ACO1: variants seen among roughly 807,000 people sequenced by gnomAD.
The protein encoded by ACO1 is cytoplasmic aconitate hydratase.
ACO1 carries 78 observed loss-of-function variants against 105.1 expected under a neutral mutation model. The ratio of observed to expected loss-of-function variants is 0.74; its 90% CI spans 0.62 to 0.90. ACO1 has a LOEUF of 0.90. ACO1 is among the 40% of genes least tolerant of loss of function. The pLI, the probability that ACO1 is intolerant of heterozygous loss-of-function variation, is 0.00. For missense variants in ACO1, 965 were observed against 1,111.1 expected, an observed-to-expected ratio of 0.87 and a Z score of 1.87; for synonymous variants, 364 against 397.4, an observed-to-expected ratio of 0.92 and a Z score of 1.00.
chr9:32,418,537 T>G, intron 6 of ACO1, 26 bp downstream of exon 6: 1 of 1,592,088 alleles, frequency 6.3e-7, no homozygotes, highest in Non-Finnish European at 8.6e-7. Flanking sequence ...TATATGCTGT[T>G]TTGGGGCATG....
chr9:32,400,081 C>T (rs919725072), intron 1 of ACO1, among the ~76,000 whole-genome samples: 1 of 140,386 alleles, frequency 7.1e-6, no homozygotes, highest in Admixed American at 8.0e-5. Flanking sequence ...AATAATTCTC[C>T]TTCCTCAGCC....
chr9:32,420,799 T>C (rs1035582408), intron 7 of ACO1, 57 bp from the exon 8 acceptor site: 1 of 1,570,552 alleles, frequency 6.4e-7, no homozygotes, highest in Non-Finnish European at 8.7e-7. Flanking sequence ...ATGGTAGTTC[T>C]GCATTTTGAA....
chr9:32,429,963 G>C (rs144220315), intron 13 of ACO1, among the ~76,000 whole-genome samples: 29 of 152,310 alleles, frequency 1.9e-4, no homozygotes, highest in African/African-American at 6.0e-4. Context: ...AGTGAGACAA[G>C]TCTCCACACA....
intron 1 of ACO1, among the ~76,000 whole-genome samples, chr9:32,397,162 C>T (rs1325482161): frequency 6.6e-6 from 1 of 152,058 alleles, no homozygotes; most frequent in African/African-American, 2.4e-5. Flanking sequence ...TATGGTGCAC[C>T]TTGCACATAC....
chr9:32,384,805 C>T (rs1821120954), intron 1 of ACO1, 70 bp downstream of exon 1: 1 of 294,956 alleles, frequency 3.4e-6, no homozygotes, highest in Non-Finnish European at 7.2e-6. Flanking sequence ...CCTCGAGAGT[C>T]GGTGCGGGCC....
rs1265254159 is a variant in ACO1, at chr9:32,439,921, C to A, written c.2248-544C>A. On this transcript the variant is annotated intron_variant, in intron 18 of 20. Coordinates refer to ENST00000309951, the MANE Select transcript of ACO1 (RefSeq NM_002197.3). This position sits in a 1 kb window ranked among gnomAD's most constrained non-coding sequence, Gnocchi z 4.0. Reference sequence around the variant, plus strand: ...TTAGGATTCTAATGTTTTTATAAAACCAACAACAATTAGGCATTTCTGTCA... The same window carrying A: ...TTAGGATTCTAATGTTTTTATAAAAACAACAACAATTAGGCATTTCTGTCA... Among the ~76,000 whole-genome samples the A allele has an allele frequency of 6.6e-6, 1 of 152,112 alleles. No individual in the cohort carries two copies. The highest frequency in any genetic ancestry group is 2.4e-5 in the African/African-American group (1 of 41,416).
chr9:32,419,547 C>A (rs1027846430), intron 7 of ACO1, among the ~76,000 whole-genome samples: 2 of 152,200 alleles, frequency 1.3e-5, no homozygotes, highest in Admixed American at 1.3e-4. Context: ...TATGTAATAT[C>A]TGTGGCTAAA....
intron 7 of ACO1, 122 bp downstream of exon 7, chr9:32,419,299 T>C (rs1821920194): frequency 8.9e-7 from 1 of 1,119,332 alleles, no homozygotes; most frequent in South Asian, 2.4e-5. Flanking sequence ...GGAAACAAGG[T>C]TGATGATTTT....
At chr9:32,436,446 G>A in intron 18 of ACO1, 49 bp downstream of exon 18, 1 of 1,599,678 alleles carries the variant, frequency 6.3e-7, no homozygotes, top group Non-Finnish European at 8.5e-7. Context: ...TGTCAGCCTT[G>A]GTGGAGGTTG....
rs145415507 is a variant in ACO1 at position 32,454,138 on chromosome 9, C to G, written c.*4027C>G. ...TTCCACGGTCAGTACATTTGGGAAC[C>G]ACTGAGTTAAATGGGTTTTATCACT... On this transcript the variant is annotated 3_prime_UTR_variant, in exon 21 of 21. Transcript: ENST00000309951. The G allele has an allele frequency of 9.2e-5, 14 of 152,252 alleles. No homozygotes were observed. In the East Asian group the frequency reaches 1.7e-3, roughly 19 times the overall value. 9.4% of individuals were successfully genotyped at this position (152,252 alleles called of 1,614,324 possible). A position where few individuals can be genotyped will look rare whatever the true frequency, so the allele number is the denominator to read the frequency against.
chr9:32,451,333 C>T lies in ACO1; in HGVS notation c.*1222C>T, dbSNP rs1469731797. On this transcript the variant is annotated 3_prime_UTR_variant, in exon 21 of 21. Coordinates refer to ENST00000309951, the MANE Select transcript of ACO1 (RefSeq NM_002197.3). Reference sequence around the variant, plus strand: ...ATGGCCACCTTCTTGCTTGTTCTCACATGGCATTTCTTTGGTATGTGCCTG... The same window carrying T: ...ATGGCCACCTTCTTGCTTGTTCTCATATGGCATTTCTTTGGTATGTGCCTG... 6.6e-6 allele frequency: 1 copy of T among 152,176 alleles called. No individual in the cohort carries two copies. Among genetic ancestry groups the T allele is most frequent in the Non-Finnish European group, 1.5e-5 (1 of 68,050 alleles). 9.4% of individuals were successfully genotyped at this position (152,176 alleles called of 1,614,324 possible).
intron 17 of ACO1, 26 bp from the exon 18 acceptor site, chr9:32,436,224 A>G: frequency 6.2e-7 from 1 of 1,613,428 alleles, no homozygotes; most frequent in Non-Finnish European, 8.5e-7. Flanking sequence ...TCACTAAGCC[A>G]GCTCCTTTCT....
intron 15 of ACO1, among the ~76,000 whole-genome samples, chr9:32,433,169 G>T (rs1008248056): frequency 2.6e-5 from 4 of 152,132 alleles, no homozygotes; most frequent in Non-Finnish European, 5.9e-5. Flanking sequence ...AACTAAGGAT[G>T]TGAATCCCAG....
In ACO1 at chr9:32,427,445, G is replaced by A; in HGVS notation, c.1484+9G>A. The A allele has an allele frequency of 6.2e-7, 1 of 1,614,096 alleles. No individual in the cohort carries two copies. ...TATCTGTCTCAGCTTGGGTGAGGGA[G>A]AGTTTTCTTTTGCACCATTGCTTTT... is the stretch of plus-strand genomic sequence containing the variant. On this transcript the variant is annotated intron_variant, in intron 12 of 20. Transcript: ENST00000309951.
chr9:32,436,179 T>C, intron 17 of ACO1, 71 bp from the exon 18 acceptor site: 1 of 1,595,198 alleles, frequency 6.3e-7, no homozygotes, highest in African/African-American at 1.3e-5. Flanking sequence ...TTTTTTTCTT[T>C]TCTTGGTGTA....
intron 7 of ACO1, 137 bp downstream of exon 7, chr9:32,419,314 G>T: frequency 1.0e-6 from 1 of 960,664 alleles, no homozygotes. Flanking sequence ...GATTTTAAAA[G>T]GAGATGAGGT....
chr9:32,434,496 A>G, intron 16 of ACO1, 63 bp from the exon 17 acceptor site: 1 of 1,600,816 alleles, frequency 6.2e-7, no homozygotes. Flanking sequence ...CATCGTAGAG[A>G]CTGATCTGGT....
chr9:32,396,900 C>T (rs1009569564), intron 1 of ACO1, among the ~76,000 whole-genome samples: 1 of 151,974 alleles, frequency 6.6e-6, no homozygotes, highest in African/African-American at 2.4e-5. Flanking sequence ...AGATCGTTAA[C>T]CAACCTTATT....
At position 32,450,072 on chromosome 9, in the gene ACO1, G is replaced by T. The variant is rs1822724718; in HGVS notation, c.2631G>T (p.Gly877=). The change falls in exon 21 of 21, where the codon GGG becomes GGT. Residue 877 remains glycine (G), a synonymous_variant. Coordinates refer to ENST00000309951, the MANE Select transcript of ACO1 (RefSeq NM_002197.3). ...TGGAGCTCACTTATTTCCTCAACGG[G>T]GGCATCCTCAACTACATGATCCGCA... ...TDVELTYFLN[G]GILNYMIRKM... 1.9e-6 allele frequency: 3 copies of T among 1,613,738 alleles called. No individual in the cohort carries two copies. In the African/African-American group the frequency reaches 4.0e-5, roughly 22 times the overall value.
Sources: allele counts gnomAD v4.1 joint callset (sites outside exome capture counted in the v4.1 genomes callset), GRCh38; gene constraint gnomAD v4.1.1; non-coding constraint Gnocchi (gnomAD v3.1); transcripts MANE v1.5; gene names NCBI Gene and HGNC (gene_info 2026-07-23, HGNC 2026-07-21).